Variants in SESN2 observed in about 807,000 individuals in gnomAD.
SESN2 encodes sestrin 2, also known as sestrin-2.
SESN2 carries 42 observed loss-of-function variants against 56.0 expected under a neutral mutation model. The observed-to-expected ratio is 0.75, with a 90% CI of 0.59 to 0.97. SESN2 has a LOEUF of 0.97. Among genes scored for constraint, SESN2 ranks in the 50% least tolerant of loss-of-function variants. The pLI is 0.00. For missense variants in SESN2, 507 were observed against 649.4 expected, an observed-to-expected ratio of 0.78 and a Z score of 2.38; for synonymous variants, 264 against 267.1, an observed-to-expected ratio of 0.99 and a Z score of 0.11.
At chr1:28,277,733 C>T (rs888816647) in intron 8 of SESN2, among the ~76,000 whole-genome samples, 11 of 152,106 alleles carry the variant, frequency 7.2e-5, no homozygotes, top group African/African-American at 2.7e-4. Context: ...AAGGTACGTG[C>T]TCCTTGTAGA....
chr1:28,264,175 C>T (rs954538908), intron 1 of SESN2, among the ~76,000 whole-genome samples: 5 of 151,876 alleles, frequency 3.3e-5, no homozygotes, highest in Admixed American at 1.3e-4. Flanking sequence ...AAAAATTAGC[C>T]GGGCTTGGTG....
At chr1:28,276,068 G>A (rs940465925) in intron 8 of SESN2, among the ~76,000 whole-genome samples, 2 of 151,970 alleles carry the variant, frequency 1.3e-5, no homozygotes, top group Non-Finnish European at 2.9e-5. Context: ...GATCCCTTGA[G>A]CCTGGGAGGC....
chr1:28,270,156 C>T (rs916801109), intron 2 of SESN2, among the ~76,000 whole-genome samples: 40 of 152,252 alleles, frequency 2.6e-4, no homozygotes, highest in African/African-American at 9.4e-4. Flanking sequence ...TCGAGACCAT[C>T]CTGGCTAACA....
At position 28,274,845 on chromosome 1, in the gene SESN2, T is replaced by C; in HGVS notation, c.1041T>C (p.His347=). Reference sequence around the variant, plus strand: ...CTAAGGATTATACCTGGGAAGACCATGGCTACTCGCTGATCCAGCGGCTTT... The same window carrying C: ...CTAAGGATTATACCTGGGAAGACCACGGCTACTCGCTGATCCAGCGGCTTT... ...FRAQDYTWED[H]GYSLIQRLYP... The change falls in exon 8 of 10, where the codon CAT becomes CAC. Residue 347 remains histidine (H), a synonymous_variant. Coordinates refer to ENST00000253063, the MANE Select transcript of SESN2 (RefSeq NM_031459.5). 6.2e-7 allele frequency: 1 copy of C among 1,613,816 alleles called. No homozygotes were observed. The highest frequency in any genetic ancestry group is 8.5e-7 in the Non-Finnish European group (1 of 1,179,762).
chr1:28,259,820 G>A lies in SESN2; in HGVS notation c.-28G>A, dbSNP rs1647304844. ...CCACTCGGGTGCACGGGTCGTCGGC[G>A]AGCCGCGACCGGGTCCTGGCGCGCA... On this transcript the variant is annotated 5_prime_UTR_variant, in exon 1 of 10. Coordinates refer to ENST00000253063, the MANE Select transcript of SESN2 (RefSeq NM_031459.5). 7.3e-7 allele frequency: 1 copy of A among 1,365,840 alleles called. No individual in the cohort carries two copies. The highest frequency in any genetic ancestry group is 3.1e-5 in the East Asian group (1 of 32,078). The allele number at this position is 1,365,840 out of a possible 1,614,324, so 84.6% of individuals were successfully genotyped here.
chr1:28,261,385 C>T (rs1421248299), intron 1 of SESN2, among the ~76,000 whole-genome samples: 1 of 152,156 alleles, frequency 6.6e-6, no homozygotes, highest in East Asian at 1.9e-4. Flanking sequence ...GGTTCATGTC[C>T]CAGCCCTCCT....
In SESN2 at chr1:28,282,261, G is replaced by C. The variant is rs778903106; in HGVS notation, c.*1459G>C. The C allele has an allele frequency of 6.6e-6, 1 of 152,364 alleles. No homozygotes were observed. The highest frequency in any genetic ancestry group is 2.4e-5 in the African/African-American group (1 of 41,410). The allele number at this position is 152,364 out of a possible 1,614,324, so 9.4% of individuals were successfully genotyped here. On this transcript the variant is annotated 3_prime_UTR_variant, in exon 10 of 10. Coordinates refer to ENST00000253063, the MANE Select transcript of SESN2 (RefSeq NM_031459.5). Reference sequence around the variant, plus strand: ...TGCCACATTAAATACCCGTGCAGGCGCGGAGAAGCAACCGGCACCCCCTTC... The same window carrying C: ...TGCCACATTAAATACCCGTGCAGGCCCGGAGAAGCAACCGGCACCCCCTTC...
In SESN2 at chr1:28,280,831, G is replaced by A. The variant is rs767831374; in HGVS notation, c.*29G>A. The A allele has an allele frequency of 6.4e-7, 1 of 1,562,840 alleles. No individual in the cohort carries two copies. The highest frequency in any genetic ancestry group is 1.1e-5 in the South Asian group (1 of 90,074). On this transcript the variant is annotated 3_prime_UTR_variant, in exon 10 of 10. Transcript: ENST00000253063. ...CTGAGCAGGACCTGGGCCCGGTTCA[G>A]CTCCCCACAAGGACTTCTCTGTCTG...
In SESN2 at chr1:28,273,477, G is replaced by A. The variant is rs1647867548; in HGVS notation, c.870G>A (p.Glu290=). Residue 290 remains glutamate (E), a synonymous_variant, in exon 6 of 10, where the codon GAG becomes GAA. Transcript: ENST00000253063. ...QEEMESRFEL[E]KSESLLVTPS... ...AGATGGAGAGCCGCTTTGAGCTGGAGAAGTCAGAGAGCCTGCTGGTGACCC... is the reference window on the plus strand; with the variant it reads ...AGATGGAGAGCCGCTTTGAGCTGGAAAAGTCAGAGAGCCTGCTGGTGACCC... 3 of 1,610,492 alleles carry A rather than the reference G, an allele frequency of 1.9e-6. No homozygotes were observed. Among genetic ancestry groups the A allele is most frequent in the Admixed American group, 1.7e-5 (1 of 59,710 alleles).
intron 2 of SESN2, 80 bp downstream of exon 2, chr1:28,269,328 GTTC>G: frequency 1.1e-6 from 1 of 927,376 alleles, no homozygotes; most frequent in Admixed American, 2.5e-5. Context: ...ATCTTTTCCT[GTTC>G]TTTAAATTGC....
In SESN2 at chr1:28,279,193, C is replaced by T; in HGVS notation, c.1308C>T (p.Thr436=). ...KTVACYPEKT[T]RRMYNLFWRH... is the part of the protein sequence containing the mutation. ...TGGCCTGCTACCCAGAGAAGACCAC[C>T]CGAAGAATGTACAACCTCTTCTGGA... The change falls in exon 9 of 10, where the codon ACC becomes ACT. Residue 436 remains threonine (T), a synonymous_variant. Transcript: ENST00000253063. 6.2e-7 allele frequency: 1 copy of T among 1,614,152 alleles called. No homozygotes were observed. Among genetic ancestry groups the T allele is most frequent in the Admixed American group, 1.7e-5 (1 of 60,016 alleles).
At chr1:28,261,246 C>T (rs947401286) in intron 1 of SESN2, among the ~76,000 whole-genome samples, 2 of 152,160 alleles carry the variant, frequency 1.3e-5, no homozygotes, top group African/African-American at 4.8e-5. Context: ...CCCTTCTCTG[C>T]CGTGATTTAG....
At chr1:28,260,355 C>G (rs1407342067) in intron 1 of SESN2, among the ~76,000 whole-genome samples, 2 of 152,138 alleles carry the variant, frequency 1.3e-5, no homozygotes, top group African/African-American at 4.8e-5. Context: ...TCCGCGGAGT[C>G]CCTTCCTCTT....
In SESN2 at chr1:28,259,987, T is replaced by C. The variant is rs758882986; in HGVS notation, c.90+50T>C. 4 of 1,379,896 alleles carry C rather than the reference T, an allele frequency of 2.9e-6. No individual in the cohort carries two copies. In the South Asian group the frequency reaches 3.8e-5, roughly 13 times the overall value. 85.5% of individuals were successfully genotyped at this position (1,379,896 alleles called of 1,614,324 possible). On this transcript the variant is annotated intron_variant, in intron 1 of 9. Transcript: ENST00000253063. The stretch of plus-strand genomic sequence containing the variant: ...CTCTTCCCTGGAACCCCGAACCGCG[T>C]CTGAGCCTCAGGCTGTCCGGAGCTG...
At chr1:28,275,878 A>G (rs1441328212) in intron 8 of SESN2, among the ~76,000 whole-genome samples, 2 of 151,928 alleles carry the variant, frequency 1.3e-5, no homozygotes, top group East Asian at 3.9e-4. Flanking sequence ...ACATAGTGAG[A>G]CCCCCATCTC....
At chr1:28,269,119 G>C in intron 1 of SESN2, 64 bp from the exon 2 acceptor site, 4 of 1,195,348 alleles carry the variant, frequency 3.3e-6, no homozygotes, top group Non-Finnish European at 4.9e-6. Context: ...GAAGAGGCTG[G>C]ATAGGTAATA....
chr1:28,269,883 A>G lies in SESN2; in HGVS notation c.156+635A>G, dbSNP rs1647696948. ...AACATATCTATTAAATGATTAATCTATGTCAGGCACTGTTCTGGTTGCTTG... is the reference window on the plus strand; with the variant it reads ...AACATATCTATTAAATGATTAATCTGTGTCAGGCACTGTTCTGGTTGCTTG... On this transcript the variant is annotated intron_variant, in intron 2 of 9. Coordinates refer to ENST00000253063, the MANE Select transcript of SESN2 (RefSeq NM_031459.5). Among the ~76,000 whole-genome samples, 5 of 152,208 alleles carry G rather than the reference A, an allele frequency of 3.3e-5. No homozygotes were observed. The South Asian group carries it at 1.0e-3, about 31-fold the overall frequency.
chr1:28,260,908 T>G (rs1261875693), intron 1 of SESN2, among the ~76,000 whole-genome samples: 2 of 152,062 alleles, frequency 1.3e-5, no homozygotes, highest in Non-Finnish European at 2.9e-5. Flanking sequence ...TCCTCAGGAC[T>G]AAACCAGCAA....
chr1:28,271,812 C>T lies in SESN2; in HGVS notation c.295C>T (p.Leu99=), dbSNP rs145722350. The T allele has an allele frequency of 1.2e-6, 2 of 1,614,208 alleles. No individual in the cohort carries two copies. Among genetic ancestry groups the T allele is most frequent in the Non-Finnish European group, 1.7e-6 (2 of 1,180,032 alleles). ...YFTSFWRLHY[L]LLHTDGPLAS... ...TACCAGCTTCTGGCGCCTGCACTAC[C>T]TGCTGCTGCACACGGATGGTCCCTT... Residue 99 remains leucine, a synonymous_variant, in exon 3 of 10, where the codon CTG becomes TTG. Coordinates refer to ENST00000253063, the MANE Select transcript of SESN2 (RefSeq NM_031459.5).
Sources: allele counts gnomAD v4.1 joint callset (sites outside exome capture counted in the v4.1 genomes callset), GRCh38; gene constraint gnomAD v4.1.1; transcripts MANE v1.5; gene names NCBI Gene and HGNC (gene_info 2026-07-23, HGNC 2026-07-21).